Variants in TRPM7 observed in about 807,000 individuals in gnomAD.
The protein encoded by TRPM7 is transient receptor potential cation channel subfamily M member 7, also known as LTRPC ion channel family member 7.
TRPM7 carries 134 observed loss-of-function variants against 229.7 expected under a neutral mutation model. The observed-to-expected ratio is 0.58, with a 90% confidence interval of 0.51 to 0.67. The LOEUF is 0.67. Ranked by LOEUF, TRPM7 falls within the 30% of genes least tolerant of loss-of-function variation. The probability of loss-of-function intolerance (pLI) is 0.00; values close to 1 mark genes in which losing one functional copy is unlikely to be tolerated. For missense variants in TRPM7, 1,901 were observed against 2,210.0 expected, an observed-to-expected ratio of 0.86 and a Z score of 2.80; for synonymous variants, 699 against 715.2, an observed-to-expected ratio of 0.98 and a Z score of 0.36.
Position 50,567,330 on chromosome 15 carries a change from C to T in TRPM7, c.5467+2557G>A, listed in dbSNP as rs932278960. Among the ~76,000 whole-genome samples, 36 of 152,098 alleles carry T rather than the reference C, an allele frequency of 2.4e-4. 1 individual carries two copies. The highest frequency in any genetic ancestry group is 1.5e-5 in the Non-Finnish European group (1 of 68,024). ...CTCCCAATGCTACCCCTGTCCCCTC[C>T]CCACTAAATGCTTAGTTTAAAACCA... is the stretch of plus-strand genomic sequence containing the variant. On this transcript the variant is annotated intron_variant, in intron 38 of 38. Coordinates refer to ENST00000646667, the MANE Select transcript of TRPM7 (RefSeq NM_017672.6).
At chr15:50,629,564 C>T (rs2060665117) in intron 10 of TRPM7, among the ~76,000 whole-genome samples, 1 of 135,072 alleles carries the variant, frequency 7.4e-6, no homozygotes, top group South Asian at 2.3e-4. Flanking sequence ...GGCCATCCTT[C>T]CATATTTTCT....
chr15:50,596,302 G>C lies in TRPM7; in HGVS notation c.3243C>G (p.Leu1081=). Residue 1081 remains leucine, a synonymous_variant, in exon 23 of 39, where the codon CTC becomes CTG. Coordinates refer to ENST00000646667, the MANE Select transcript of TRPM7 (RefSeq NM_017672.6). ...TAACCATAATGATATACTGTACAAA[G>C]AGGTAGACTGCTTGAAGAAATGGAG... is the stretch of plus-strand genomic sequence containing the variant. ...WLTPFLQAVY[L]FVQYIIMVNL... 1 of 1,602,430 alleles carries C rather than the reference G, an allele frequency of 6.2e-7. No individual in the cohort carries two copies. Among genetic ancestry groups the C allele is most frequent in the Non-Finnish European group, 8.5e-7 (1 of 1,173,248 alleles).
chr15:50,611,326 A>G lies in TRPM7; in HGVS notation c.2052-5T>C, dbSNP rs1312906935. 6.2e-7 allele frequency: 1 copy of G among 1,608,954 alleles called. No individual in the cohort carries two copies. Among genetic ancestry groups the G allele is most frequent in the Non-Finnish European group, 8.5e-7 (1 of 1,177,198 alleles). On this transcript the variant is annotated splice_polypyrimidine_tract_variant and splice_region_variant and intron_variant, in intron 16 of 38. Transcript: ENST00000646667. Reference sequence around the variant, plus strand: ...ACGGCCAACTGACCAAAATCACTATAAAAAGATAAAAGCCAAAATATACTC... The same window carrying G: ...ACGGCCAACTGACCAAAATCACTATGAAAAGATAAAAGCCAAAATATACTC...
At chr15:50,639,577 G>GT (rs763482347) in intron 5 of TRPM7, 29 bp from the exon 6 acceptor site, 308 of 1,593,368 alleles carry the variant, frequency 1.9e-4, no homozygotes, top group Middle Eastern at 6.7e-4. Flanking sequence ...TATTCATTTT[G>GT]TTTTTTTTAT....
chr15:50,655,514 A>AT (rs2061540473), intron 3 of TRPM7, among the ~76,000 whole-genome samples: 2 of 152,054 alleles, frequency 1.3e-5, no homozygotes, highest in African/African-American at 4.8e-5. Context: ...CGCAAGCAGA[A>AT]TAAGTACAAA....
rs1432407787 is a variant in TRPM7 at position 50,559,360 on chromosome 15, T to C, written c.*2318A>G. ...GCCACTGCACCTGGCCTAATTTTTG[T>C]ATTTTTTTTTTTAGCAGAGATAGGA... On this transcript the variant is annotated 3_prime_UTR_variant, in exon 39 of 39. Coordinates refer to ENST00000646667, the MANE Select transcript of TRPM7 (RefSeq NM_017672.6). 1 of 125,426 alleles carries C rather than the reference T, an allele frequency of 8.0e-6. No homozygotes were observed. Among genetic ancestry groups the C allele is most frequent in the East Asian group, 2.7e-4 (1 of 3,772 alleles). The allele number at this position is 125,426 out of a possible 1,614,324, so 7.8% of individuals were successfully genotyped here. A position where few individuals can be genotyped will look rare whatever the true frequency, so the allele number is the denominator to read the frequency against.
At chr15:50,593,782 A>C in intron 24 of TRPM7, 33 bp from the exon 25 acceptor site, 1 of 1,579,276 alleles carries the variant, frequency 6.3e-7, no homozygotes, top group Non-Finnish European at 8.6e-7. Flanking sequence ...AAATCAAGGA[A>C]GAGCTATCAA....
At chr15:50,685,881 G>T (rs1367547728) in intron 1 of TRPM7, among the ~76,000 whole-genome samples, 1 of 152,130 alleles carries the variant, frequency 6.6e-6, no homozygotes, top group Non-Finnish European at 1.5e-5. Flanking sequence ...ACAGTACATT[G>T]TCTTGGTCCC....
chr15:50,674,705 T>C (rs1476775931), intron 1 of TRPM7, among the ~76,000 whole-genome samples: 2 of 152,216 alleles, frequency 1.3e-5, no homozygotes, highest in African/African-American at 4.8e-5. Flanking sequence ...TCTGTTAGCA[T>C]TTCTTGTAAC....
rs2059891399 is a variant in TRPM7, at chr15:50,605,273, CAG to C, written c.2710-131_2710-130del. On this transcript the variant is annotated intron_variant, in intron 20 of 38. Transcript: ENST00000646667. ...ATTTATTAACTTATTTATTTTGAGA[CAG>C]AGTCTCGCTCTATTGCCCAGGGTGG... 3.5e-6 allele frequency: 3 copies of C among 861,304 alleles called. No homozygotes were observed. In the African/African-American group the frequency reaches 5.1e-5, roughly 15 times the overall value. 53.4% of individuals were successfully genotyped at this position (861,304 alleles called of 1,614,324 possible).
At chr15:50,613,942 C>A in intron 14 of TRPM7, 101 bp from the exon 15 acceptor site, 1 of 1,413,354 alleles carries the variant, frequency 7.1e-7, no homozygotes, top group Non-Finnish European at 9.6e-7. Context: ...TGTTTGTGTA[C>A]ACACACAAAA....
rs1338833981 is a variant in TRPM7 at position 50,574,639 on chromosome 15, T to C, written c.5100A>G (p.Pro1700=). The C allele has an allele frequency of 6.2e-7, 1 of 1,611,348 alleles. No homozygotes were observed. Among genetic ancestry groups the C allele is most frequent in the Admixed American group, 1.7e-5 (1 of 59,608 alleles). Residue 1700 remains proline (P), a splice_region_variant and synonymous_variant, in exon 35 of 39, where the codon CCA becomes CCG. Coordinates refer to ENST00000646667, the MANE Select transcript of TRPM7 (RefSeq NM_017672.6). ...CCAGAAAAAAATTAAAGATTTACCT[T>C]GGAGAATATGGTATGGATTTGGGTT... ...QMKPKSIPYS[P]RFLEVFLLYC...
At chr15:50,684,856 C>A (rs902965895) in intron 1 of TRPM7, among the ~76,000 whole-genome samples, 38 of 152,238 alleles carry the variant, frequency 2.5e-4, no homozygotes, top group African/African-American at 9.1e-4. Context: ...GTGCAGAATT[C>A]TTTGTAACCT....
At chr15:50,611,727 A>T (rs1000179886) in intron 16 of TRPM7, among the ~76,000 whole-genome samples, 2 of 152,234 alleles carry the variant, frequency 1.3e-5, no homozygotes, top group Admixed American at 1.3e-4. Flanking sequence ...AAAACATCTG[A>T]ATCTTGAAGT....
At chr15:50,627,975 A>G (rs191273084) in intron 11 of TRPM7, among the ~76,000 whole-genome samples, 174 bp downstream of exon 11, 2 of 152,372 alleles carry the variant, frequency 1.3e-5, no homozygotes, top group East Asian at 3.9e-4. Context: ...GGTTTTATCT[A>G]GAGGCATACA....
At chr15:50,647,459 A>C (rs1714640251) in intron 4 of TRPM7, among the ~76,000 whole-genome samples, 1 of 152,230 alleles carries the variant, frequency 6.6e-6, no homozygotes, top group Non-Finnish European at 1.5e-5. Context: ...AAGAACAGAA[A>C]AACAGGCCGG....
chr15:50,585,414 C>G (rs780347695), intron 28 of TRPM7, among the ~76,000 whole-genome samples: 42 of 152,312 alleles, frequency 2.8e-4, no homozygotes, highest in Non-Finnish European at 4.6e-4. Context: ...AAAACAGAAA[C>G]AGTAACAGTC....
intron 38 of TRPM7, among the ~76,000 whole-genome samples, chr15:50,563,588 G>T (rs1213945533): frequency 1.8e-4 from 27 of 152,168 alleles, no homozygotes; most frequent in Admixed American, 1.7e-3. Context: ...AGAAGAATTG[G>T]ATAGTTTTAG....
intron 28 of TRPM7, among the ~76,000 whole-genome samples, chr15:50,584,424 A>G (rs1027620545): frequency 1.3e-5 from 2 of 152,150 alleles, no homozygotes; most frequent in African/African-American, 4.8e-5. Flanking sequence ...AAGGGTGAAC[A>G]GGTGTGTGTG....
Sources: gnomAD v4.1 joint callset for allele counts (sites outside exome capture counted in the v4.1 genomes callset) on GRCh38, gnomAD v4.1.1 for gene constraint, MANE v1.5 for transcripts, NCBI Gene and HGNC (gene_info 2026-07-23, HGNC 2026-07-21) for gene names.